The following CSNK1G1 variants were observed in gnomAD, a reference collection of about 807,000 sequenced individuals.
CSNK1G1 encodes casein kinase 1 gamma 1.
A neutral mutation model predicts 59.6 loss-of-function variants in CSNK1G1; 22 were observed. The observed-to-expected ratio is 0.37, with a 90% confidence interval of 0.26 to 0.53. The LOEUF (loss-of-function observed/expected upper bound fraction) is 0.53. Ranked by LOEUF, CSNK1G1 falls within the 20% of genes least tolerant of loss-of-function variation. The pLI is 0.89. For missense variants in CSNK1G1, 384 were observed against 519.5 expected (o/e 0.74, Z 2.54); for synonymous variants, 179 against 177.1 (o/e 1.01, Z -0.08).
chr15:64,181,488 G>C (rs1311156786), intron 10 of CSNK1G1: 9 of 1,408,984 alleles, frequency 6.4e-6, no homozygotes, highest in African/African-American at 1.4e-5. Context: ...ATATGCCCTT[G>C]GATAAGTACT....
chr15:64,216,502 C>G lies in CSNK1G1; in HGVS notation c.444+60G>C, dbSNP rs1255791278. ...TACGGCTAGTAAATCACCAAAAGGCCCACAAGGATGTGGCTGAGGAACCAG... is the reference window on the plus strand; with the variant it reads ...TACGGCTAGTAAATCACCAAAAGGCGCACAAGGATGTGGCTGAGGAACCAG... On this transcript the variant is annotated intron_variant, in intron 5 of 11. Coordinates refer to ENST00000303052, the MANE Select transcript of CSNK1G1 (RefSeq NM_022048.5). This position sits in a 1 kb window ranked among gnomAD's most constrained non-coding sequence, Gnocchi z 4.6. 6.5e-7 allele frequency: 1 copy of G among 1,536,922 alleles called. No individual in the cohort carries two copies. Among genetic ancestry groups the G allele is most frequent in the Non-Finnish European group, 9.0e-7 (1 of 1,116,956 alleles).
intron 1 of CSNK1G1, among the ~76,000 whole-genome samples, chr15:64,351,634 T>C (rs1898292618): frequency 6.6e-6 from 1 of 152,184 alleles, no homozygotes; most frequent in African/African-American, 2.4e-5. Context: ...GTCCCAGCAC[T>C]TTGAGAGGCT....
intron 1 of CSNK1G1, among the ~76,000 whole-genome samples, chr15:64,345,832 G>T (rs551398680): frequency 2.0e-5 from 3 of 151,856 alleles, no homozygotes; most frequent in Non-Finnish European, 4.4e-5. Context: ...TCACTCTGTC[G>T]CTAGGCTGGA....
At chr15:64,277,988 A>G (rs1356642185) in intron 2 of CSNK1G1, among the ~76,000 whole-genome samples, 1 of 144,734 alleles carries the variant, frequency 6.9e-6, no homozygotes, top group Non-Finnish European at 1.5e-5. Context: ...ATATATTCGA[A>G]TAATATATTA....
chr15:64,184,298 G>A (rs529895544), intron 10 of CSNK1G1, among the ~76,000 whole-genome samples: 94 of 151,572 alleles, frequency 6.2e-4, no homozygotes, highest in African/African-American at 1.8e-3. Context: ...GCGAGACTTC[G>A]TCTCAAAAAA....
chr15:64,251,642 A>G, intron 3 of CSNK1G1, 61 bp from the exon 4 acceptor site: 3 of 1,265,512 alleles, frequency 2.4e-6, no homozygotes, highest in Non-Finnish European at 3.4e-6. Flanking sequence ...TCCATTCTTA[A>G]ATTTTTGGAG....
chr15:64,352,723 G>T (rs985281000), intron 1 of CSNK1G1, among the ~76,000 whole-genome samples: 22 of 151,416 alleles, frequency 1.5e-4, no homozygotes, highest in African/African-American at 5.1e-4. Flanking sequence ...AGGATTACAG[G>T]CATGAGCCAC....
rs1020337416 is a variant in CSNK1G1 at position 64,331,285 on chromosome 15, G to T, written c.-225+24703C>A. ...TACCTGACTTCAAACTATACTACAA[G>T]GCTACAGTAACCAAAACAGCATGGT... On this transcript the variant is annotated intron_variant, in intron 1 of 11. Transcript: ENST00000303052. Among the ~76,000 whole-genome samples, 973 of 135,888 alleles carry T rather than the reference G, an allele frequency of 7.2e-3. 11 individuals carry two copies. Among genetic ancestry groups the T allele is most frequent in the African/African-American group, 0.025 (907 of 35,790 alleles). 89.1% of individuals were successfully genotyped at this position (135,888 alleles called of 152,430 possible).
intron 2 of CSNK1G1, among the ~76,000 whole-genome samples, chr15:64,264,331 G>T (rs1397790750): frequency 6.6e-6 from 1 of 152,096 alleles, no homozygotes; most frequent in Non-Finnish European, 1.5e-5. Context: ...TGAGTCAGAA[G>T]AAATAGAAAA....
chr15:64,314,157 G>C (rs1160625033), intron 1 of CSNK1G1, among the ~76,000 whole-genome samples: 1 of 152,172 alleles, frequency 6.6e-6, no homozygotes, highest in Non-Finnish European at 1.5e-5. Flanking sequence ...CCAGGCTGGA[G>C]TGTAGTGCCT....
At chr15:64,189,518 A>G (rs186646954) in intron 10 of CSNK1G1, 1 of 1,179,130 alleles carries the variant, frequency 8.5e-7, no homozygotes. Context: ...AGAGGCAGCA[A>G]TGAGGGATTA....
At position 64,198,550 on chromosome 15, in the gene CSNK1G1, T is replaced by G. The variant is rs115372601; in HGVS notation, c.1107+4532A>C. ...TAGCAGGTCCTCAGCTCAGATTTAC[T>G]GAGTCAAAGTTGCTGATGAAAGGTT... On this transcript the variant is annotated intron_variant, in intron 10 of 11. Transcript: ENST00000303052. Among the ~76,000 whole-genome samples, 247 of 152,178 alleles carry G rather than the reference T, an allele frequency of 1.6e-3. 2 individuals are homozygous for G. Among genetic ancestry groups the G allele is most frequent in the African/African-American group, 5.7e-3 (238 of 41,534 alleles).
Position 64,311,312 on chromosome 15 carries a change from C to T in CSNK1G1, c.-224-10589G>A, listed in dbSNP as rs895128509. On this transcript the variant is annotated intron_variant, in intron 1 of 11. Transcript: ENST00000303052. ...CCGCCTGCCTCAGCCTCCCAAAGTG[C>T]TGGGATTACAGGCATGAGCCACCAT... Among the ~76,000 whole-genome samples, 7 of 152,286 alleles carry T rather than the reference C, an allele frequency of 4.6e-5. No individual in the cohort carries two copies. In the East Asian group the frequency reaches 1.4e-3, roughly 30 times the overall value.
intron 4 of CSNK1G1, among the ~76,000 whole-genome samples, chr15:64,236,145 A>AG (rs2082612974): frequency 8.3e-6 from 1 of 120,140 alleles, no homozygotes; most frequent in African/African-American, 4.1e-5. Context: ...TCCATCTCAA[A>AG]AAAAAAAAAA....
chr15:64,278,522 G>A (rs1329615306), intron 2 of CSNK1G1, among the ~76,000 whole-genome samples: 5 of 151,302 alleles, frequency 3.3e-5, no homozygotes, highest in Admixed American at 6.6e-5. Flanking sequence ...TCCGCCTCCC[G>A]GGTTCAAGCG....
chr15:64,268,965 A>C (rs926453556), intron 2 of CSNK1G1, among the ~76,000 whole-genome samples: 7 of 151,982 alleles, frequency 4.6e-5, no homozygotes, highest in African/African-American at 1.7e-4. Context: ...TTGTTTTTGC[A>C]CTGCACAGTA....
chr15:64,313,717 T>A (rs1896115102), intron 1 of CSNK1G1, among the ~76,000 whole-genome samples: 2 of 151,560 alleles, frequency 1.3e-5, no homozygotes, highest in Admixed American at 6.6e-5. Flanking sequence ...AACTGCATGT[T>A]CTGCACAGGT....
intron 1 of CSNK1G1, among the ~76,000 whole-genome samples, chr15:64,319,615 G>A (rs987215035): frequency 1.3e-5 from 2 of 151,996 alleles, no homozygotes; most frequent in Admixed American, 6.6e-5. Context: ...GCACGATCTC[G>A]CTCACTGCAA....
At chr15:64,352,158 T>C (rs1362030847) in intron 1 of CSNK1G1, among the ~76,000 whole-genome samples, 2 of 151,750 alleles carry the variant, frequency 1.3e-5, no homozygotes, top group Non-Finnish European at 2.9e-5. Flanking sequence ...ATACAAAAAT[T>C]AGCCAGCATG....
Sources: gnomAD v4.1 joint callset for allele counts (sites outside exome capture counted in the v4.1 genomes callset) on GRCh38, gnomAD v4.1.1 for gene constraint, Gnocchi (gnomAD v3.1) non-coding constraint, MANE v1.5 for transcripts, NCBI Gene and HGNC (gene_info 2026-07-23, HGNC 2026-07-21) for gene names.